The following TDP1 variants were observed in gnomAD, a reference collection of about 807,000 sequenced individuals.
TDP1 encodes tyr-DNA phosphodiesterase 1.
In TDP1, 64 loss-of-function variants were observed where a neutral mutation model predicts 81.5. That is an observed-to-expected ratio of 0.79 (90% CI 0.64 to 0.97). The LOEUF is 0.97. TDP1 is among the 50% of genes least tolerant of loss of function. TDP1 has a pLI of 0.00. For missense variants in TDP1, 723 were observed against 743.8 expected, an observed-to-expected ratio of 0.97 and a Z score of 0.33; for synonymous variants, 256 against 264.3, an observed-to-expected ratio of 0.97 and a Z score of 0.30.
chr14:89,968,022 G>A (rs145672292), intron 5 of TDP1, among the ~76,000 whole-genome samples: 1 of 152,226 alleles, frequency 6.6e-6, no homozygotes, highest in African/African-American at 2.4e-5. Context: ...GTAGGATGGA[G>A]GAAAACACAC....
chr14:90,034,524 C>T (rs1029979368), intron 16 of TDP1, among the ~76,000 whole-genome samples: 8 of 152,228 alleles, frequency 5.3e-5, no homozygotes, highest in Non-Finnish European at 8.8e-5. Context: ...GCGTGTGTCC[C>T]AGCCTCACAG....
intron 14 of TDP1, among the ~76,000 whole-genome samples, chr14:90,000,131 G>A (rs900371433): frequency 3.9e-5 from 6 of 152,082 alleles, no homozygotes; most frequent in African/African-American, 9.7e-5. Context: ...CTGTCAGCCC[G>A]GCGTTCTCGG....
chr14:90,023,241 C>T (rs906622935), intron 15 of TDP1, among the ~76,000 whole-genome samples: 3 of 152,202 alleles, frequency 2.0e-5, no homozygotes, highest in African/African-American at 7.2e-5. Flanking sequence ...TTCGATCTCA[C>T]TCTTGAGAAA....
chr14:90,033,291 C>T (rs769630111), intron 16 of TDP1, 77 bp downstream of exon 16: 5 of 876,962 alleles, frequency 5.7e-6, no homozygotes, highest in Non-Finnish European at 9.5e-6. Context: ...AGCCTTTGGT[C>T]TCAGTGGGAT....
In TDP1 at chr14:89,988,895, T is replaced by C; in HGVS notation, c.1132-10T>C. Reference sequence around the variant, plus strand: ...GAGTCACTTTAACATTCACTTTTATTCTTTCCCAGCTTCTGAAAGACCATG... The same window carrying C: ...GAGTCACTTTAACATTCACTTTTATCCTTTCCCAGCTTCTGAAAGACCATG... On this transcript the variant is annotated splice_polypyrimidine_tract_variant and intron_variant, in intron 10 of 16. Transcript: ENST00000335725. The C allele has an allele frequency of 6.2e-7, 1 of 1,614,006 alleles. No homozygotes were observed. The highest frequency in any genetic ancestry group is 1.1e-5 in the South Asian group (1 of 91,078).
chr14:90,014,988 A>C (rs549091039), intron 14 of TDP1, among the ~76,000 whole-genome samples: 1 of 152,336 alleles, frequency 6.6e-6, no homozygotes, highest in African/African-American at 2.4e-5. Context: ...ACCTCCAGTG[A>C]AACTCAGAGA....
chr14:90,020,391 T>G (rs1885853727), intron 15 of TDP1, among the ~76,000 whole-genome samples: 1 of 89,546 alleles, frequency 1.1e-5, no homozygotes, highest in African/African-American at 6.8e-5. Flanking sequence ...TTCCTTCCTG[T>G]CACTGTGGGC....
At chr14:90,007,012 A>G (rs1226282561) in intron 14 of TDP1, among the ~76,000 whole-genome samples, 1 of 152,074 alleles carries the variant, frequency 6.6e-6, no homozygotes, top group Non-Finnish European at 1.5e-5. Context: ...ATTCACCAAT[A>G]TTTTCATTCC....
chr14:90,029,498 CTTT>C (rs551041373), intron 15 of TDP1, among the ~76,000 whole-genome samples: 5 of 122,776 alleles, frequency 4.1e-5, no homozygotes, highest in African/African-American at 3.3e-5. Flanking sequence ...CGCACCCGGC[CTTT>C]TTTTTTTTTT....
intron 14 of TDP1, among the ~76,000 whole-genome samples, chr14:90,018,522 G>T (rs1885584008): frequency 6.6e-6 from 1 of 152,094 alleles, no homozygotes; most frequent in Admixed American, 6.5e-5. Flanking sequence ...GTGTGGTGGT[G>T]TAGTTTTTGC....
In TDP1 at chr14:89,971,266, T is replaced by G. The variant is rs1019706214; in HGVS notation, c.751T>G (p.Cys251Gly). Residue 251 changes from cysteine (C) to glycine (G), a missense_variant, in exon 6 of 17, where the codon TGC (cysteine) becomes GGC (glycine). Cys to Gly is a radical substitution (Grantham distance 159). Transcript: ENST00000335725. ...CAAGCCTTACGAGAACATCTCTCTC[T>G]GCCAGGTAAGCCACTTACTGCCGTT... The part of the protein sequence containing the change: ...QAKPYENISL[C>G]QAKLDIAFGT... 5 of 1,613,640 alleles carry G rather than the reference T, an allele frequency of 3.1e-6. No individual in the cohort carries two copies. Among genetic ancestry groups the G allele is most frequent in the Non-Finnish European group, 4.2e-6 (5 of 1,179,640 alleles).
Position 90,033,208 on chromosome 14 carries a change from A to G in TDP1, c.1747A>G (p.Ser583Gly), listed in dbSNP as rs201355368. ...TGATTTGCCTCCAGAACTGTATGGA[A>G]GTAAAGGTGAGACACAGATAAAGGA... ...PYDLPPELYG[S>G]KDRPWIWNIP... The change falls in exon 16 of 17, where the codon AGT becomes GGT. Residue 583 changes from serine (S) to glycine (G), a missense_variant. Physicochemically the swap from Ser to Gly is moderately conservative, Grantham distance 56. Coordinates refer to ENST00000335725, the MANE Select transcript of TDP1 (RefSeq NM_018319.4). 2.4e-4 allele frequency: 381 copies of G among 1,582,244 alleles called. No individual in the cohort carries two copies. The highest frequency in any genetic ancestry group is 2.0e-4 in the Non-Finnish European group (225 of 1,151,084).
At position 89,986,223 on chromosome 14, in the gene TDP1, A is replaced by C. The variant is rs559579904; in HGVS notation, c.1131+1013A>C. On this transcript the variant is annotated intron_variant, in intron 10 of 16. Transcript: ENST00000335725. ...ATGTCTTGGCCTAGAGAGGAAGTTCAGCACATTGGCCTGTGCCCAGTCTTG... is the reference window on the plus strand; with the variant it reads ...ATGTCTTGGCCTAGAGAGGAAGTTCCGCACATTGGCCTGTGCCCAGTCTTG... 8.1e-4 allele frequency among the ~76,000 whole-genome samples: 123 copies of C among 152,384 alleles called. No homozygotes were observed. The Middle Eastern group carries it at 0.01, about 13-fold the overall frequency.
intron 16 of TDP1, chr14:90,033,453 C>T: frequency 1.8e-6 from 1 of 558,886 alleles, no homozygotes; most frequent in East Asian, 3.4e-5. Flanking sequence ...GGGCTACATG[C>T]TGATAAACCC....
rs371020018 is a variant in TDP1, at chr14:90,019,095, G to T, written c.1542-221G>T. On this transcript the variant is annotated intron_variant, in intron 14 of 16. Transcript: ENST00000335725. The stretch of plus-strand genomic sequence containing the variant: ...TAGCTGCCCTCAGGAAAATGCAGAT[G>T]AGGGTGAAACTATCCCAAATTAGCA... The T allele has an allele frequency of 5.9e-4, 579 of 984,330 alleles. 2 individuals carry two copies. Among genetic ancestry groups the T allele is most frequent in the Middle Eastern group, 4.7e-3 (9 of 1,934 alleles). 61.0% of individuals were successfully genotyped at this position (984,330 alleles called of 1,614,324 possible). A position where few individuals can be genotyped will look rare whatever the true frequency, so the allele number is the denominator to read the frequency against.
rs1446269173 is a variant in TDP1, at chr14:89,975,745, G to T, written c.757-36G>T. 3.2e-6 allele frequency: 5 copies of T among 1,577,252 alleles called. No homozygotes were observed. In the African/African-American group the frequency reaches 6.7e-5, roughly 21 times the overall value. ...TTCCAGTAGATATGGATATTAGTGA[G>T]TTGTTTTTAAATAAATGACTTCTTT... On this transcript the variant is annotated intron_variant, in intron 6 of 16. Coordinates refer to ENST00000335725, the MANE Select transcript of TDP1 (RefSeq NM_018319.4).
chr14:89,982,694 T>C (rs1041060614), intron 8 of TDP1, among the ~76,000 whole-genome samples: 6 of 152,188 alleles, frequency 3.9e-5, no homozygotes, highest in Admixed American at 3.9e-4. Flanking sequence ...GGAAAACTTA[T>C]TGACTAGGTA....
chr14:90,042,669 ACTTGTGTAGGGGAATTCCC>A (rs1888475457), intron 16 of TDP1, among the ~76,000 whole-genome samples: 1 of 152,218 alleles, frequency 6.6e-6, no homozygotes, highest in African/African-American at 2.4e-5. Flanking sequence ...GCACGAGAGC[ACTTGTGTAGGGGAATTCCC>A]CTTTATAAAA....
In TDP1 at chr14:89,971,253, G is replaced by A. The variant is rs748717458; in HGVS notation, c.738G>A (p.Glu246=). The A allele has an allele frequency of 3.7e-6, 6 of 1,614,046 alleles. No individual in the cohort carries two copies. The highest frequency in any genetic ancestry group is 1.7e-5 in the Admixed American group (1 of 60,028). ...TCCATGCCCAGGCCAAGCCTTACGAGAACATCTCTCTCTGCCAGGTAAGCC... is the reference window on the plus strand; with the variant it reads ...TCCATGCCCAGGCCAAGCCTTACGAAAACATCTCTCTCTGCCAGGTAAGCC... ...AHLHAQAKPY[E]NISLCQAKLD... Residue 246 remains glutamate (E), a synonymous_variant, in exon 6 of 17, where the codon GAG becomes GAA. Coordinates refer to ENST00000335725, the MANE Select transcript of TDP1 (RefSeq NM_018319.4).
Sources: gnomAD v4.1 joint callset for allele counts (sites outside exome capture counted in the v4.1 genomes callset) on GRCh38, gnomAD v4.1.1 for gene constraint, MANE v1.5 for transcripts, NCBI Gene and HGNC (gene_info 2026-07-23, HGNC 2026-07-21) for gene names.